Variants in MSL2 observed in about 807,000 individuals in gnomAD.
MSL2 encodes the protein E3 ubiquitin-protein ligase MSL2.
In MSL2, 2 loss-of-function variants were observed where a neutral mutation model predicts 35.8. That is an observed-to-expected ratio of 0.06 (90% CI 0.02 to 0.18). The LOEUF (loss-of-function observed/expected upper bound fraction) is 0.18, where lower values mean the gene tolerates loss of function less well. Among genes scored for constraint, MSL2 ranks in the 10% least tolerant of loss-of-function variants. The pLI, the probability that MSL2 is intolerant of heterozygous loss-of-function variation, is 1.00. For missense variants in MSL2, 523 were observed against 706.7 expected (o/e 0.74, Z 2.95); for synonymous variants, 296 against 255.7 (o/e 1.16, Z -1.50).
intron 1 of MSL2, among the ~76,000 whole-genome samples, chr3:136,193,555 C>G (rs1940750958): frequency 6.6e-6 from 1 of 151,482 alleles, no homozygotes; most frequent in Admixed American, 6.6e-5. Context: ...TTCCTCAGTC[C>G]TCAAACCATC....
In MSL2 at chr3:136,195,376, G is replaced by A. The variant is rs777836773; in HGVS notation, c.-263C>T. 8 of 1,217,444 alleles carry A rather than the reference G, an allele frequency of 6.6e-6. No homozygotes were observed. Among genetic ancestry groups the A allele is most frequent in the Admixed American group, 4.5e-5 (1 of 22,412 alleles). 75.4% of individuals were successfully genotyped at this position (1,217,444 alleles called of 1,614,324 possible). ...ACCAGCGTTCGAGTTCGTCCGGAGC[G>A]ACCACAGAGCGCAGAACGCGGCGGC... is the stretch of plus-strand genomic sequence containing the variant. On this transcript the variant is annotated 5_prime_UTR_variant, in exon 1 of 2. Transcript: ENST00000309993.
At position 136,150,288 on chromosome 3, in the gene MSL2, A is replaced by G. The variant is rs907998241; in HGVS notation, c.*859T>C. ...GCCAGTGGCAATAAGTACAATACAC[A>G]AATCTGGGCAAGTCTGGGAGCATTA... On this transcript the variant is annotated 3_prime_UTR_variant, in exon 2 of 2. Transcript: ENST00000309993. 1 of 152,294 alleles carries G rather than the reference A, an allele frequency of 6.6e-6. No homozygotes were observed. The highest frequency in any genetic ancestry group is 1.5e-5 in the Non-Finnish European group (1 of 68,036). 9.4% of individuals were successfully genotyped at this position (152,294 alleles called of 1,614,324 possible). A position where few individuals can be genotyped will look rare whatever the true frequency, so the allele number is the denominator to read the frequency against.
At chr3:136,154,170 T>A (rs1015886417) in intron 1 of MSL2, among the ~76,000 whole-genome samples, 1 of 151,258 alleles carries the variant, frequency 6.6e-6, no homozygotes, top group African/African-American at 2.4e-5. Flanking sequence ...ACTACTCAAC[T>A]CAAATTCTTC....
In MSL2 at chr3:136,195,322, G is replaced by A; in HGVS notation, c.-209C>T. 2.9e-6 allele frequency: 4 copies of A among 1,359,414 alleles called. No individual in the cohort carries two copies. Among genetic ancestry groups the A allele is most frequent in the Non-Finnish European group, 3.8e-6 (4 of 1,060,354 alleles). The allele number at this position is 1,359,414 out of a possible 1,614,324, so 84.2% of individuals were successfully genotyped here. The stretch of plus-strand genomic sequence containing the variant: ...GGCCTTGGCGCCCCTCCGTCCCTGA[G>A]ACTTCCAGACCAAAAATATGAGAGA... On this transcript the variant is annotated 5_prime_UTR_variant, in exon 1 of 2. Coordinates refer to ENST00000309993, the MANE Select transcript of MSL2 (RefSeq NM_018133.4).
intron 1 of MSL2, chr3:136,155,645 G>T: frequency 2.5e-6 from 1 of 407,948 alleles, no homozygotes. Context: ...TGCCGCCCAT[G>T]GGGATACAGG....
At chr3:136,187,531 T>C (rs1437108037) in intron 1 of MSL2, among the ~76,000 whole-genome samples, 2 of 151,632 alleles carry the variant, frequency 1.3e-5, no homozygotes, top group East Asian at 3.9e-4. Flanking sequence ...ATTAGCTGGG[T>C]GTGGCGGATG....
intron 1 of MSL2, among the ~76,000 whole-genome samples, chr3:136,182,667 C>G (rs1173600905): frequency 6.6e-6 from 1 of 150,894 alleles, no homozygotes; most frequent in Non-Finnish European, 1.5e-5. Flanking sequence ...GAAAGAGGTC[C>G]AGCGCACCAC....
At chr3:136,159,354 CTTT>C (rs71157361) in intron 1 of MSL2, among the ~76,000 whole-genome samples, 68 of 70,044 alleles carry the variant, frequency 9.7e-4, no homozygotes, top group African/African-American at 3.3e-3. Flanking sequence ...AGAGTACTTT[CTTT>C]TTTTTTTTTT....
intron 1 of MSL2, among the ~76,000 whole-genome samples, chr3:136,172,733 A>G (rs1444275418): frequency 1.3e-5 from 2 of 152,110 alleles, no homozygotes; most frequent in African/African-American, 2.4e-5. Flanking sequence ...CCCCTTTGAG[A>G]ATCTGACTAT....
chr3:136,155,257 C>T (rs1226793893), intron 1 of MSL2, among the ~76,000 whole-genome samples: 2 of 151,838 alleles, frequency 1.3e-5, no homozygotes, highest in Admixed American at 6.6e-5. Context: ...GTAATCCCAG[C>T]ACCTTGGGAG....
chr3:136,184,763 G>GGAA (rs1940468493), intron 1 of MSL2, among the ~76,000 whole-genome samples: 1 of 81,214 alleles, frequency 1.2e-5, no homozygotes, highest in Non-Finnish European at 2.4e-5. Context: ...GGGGGGGGGG[G>GGAA]ACAAAGGTCA....
rs76770196 is a variant in MSL2, at chr3:136,159,543, T to G, written c.143-6805A>C. Among the ~76,000 whole-genome samples the G allele has an allele frequency of 6.2e-3, 902 of 145,442 alleles. 12 individuals carry two copies. The highest frequency in any genetic ancestry group is 0.022 in the African/African-American group (858 of 39,502). On this transcript the variant is annotated intron_variant, in intron 1 of 1. Transcript: ENST00000309993. ...CACGCCCAGCTATTTTTTTTTTTTT[T>G]GCATTTTTAGTAGAGACGAGGTTTC...
chr3:136,149,899 A>G lies in MSL2; in HGVS notation c.*1248T>C, dbSNP rs1444489879. ...GTCAAAGCTGCAGCTCTTCTTTTAAATCACAGGTTATTTCATTACACCTAG... is the reference window on the plus strand; with the variant it reads ...GTCAAAGCTGCAGCTCTTCTTTTAAGTCACAGGTTATTTCATTACACCTAG... On this transcript the variant is annotated 3_prime_UTR_variant, in exon 2 of 2. Transcript: ENST00000309993. 6.6e-6 allele frequency: 1 copy of G among 152,546 alleles called. No homozygotes were observed. The highest frequency in any genetic ancestry group is 1.9e-4 in the East Asian group (1 of 5,194). 9.4% of individuals were successfully genotyped at this position (152,546 alleles called of 1,614,324 possible).
chr3:136,163,131 C>T (rs1360409250), intron 1 of MSL2, among the ~76,000 whole-genome samples: 2 of 152,040 alleles, frequency 1.3e-5, no homozygotes, highest in South Asian at 2.1e-4. Flanking sequence ...TGGTGGTGGG[C>T]GCCTGTAATC....
intron 1 of MSL2, among the ~76,000 whole-genome samples, chr3:136,155,094 G>A (rs972796488): frequency 6.6e-6 from 1 of 152,066 alleles, no homozygotes; most frequent in African/African-American, 2.4e-5. Context: ...TGTAGTCCCA[G>A]CTACTCGGGG....
chr3:136,190,260 T>C (rs797015029), intron 1 of MSL2, among the ~76,000 whole-genome samples: 99 of 152,260 alleles, frequency 6.5e-4, no homozygotes, highest in African/African-American at 2.3e-3. Flanking sequence ...ATCTAGAACA[T>C]CACAGGTGAC....
At chr3:136,188,190 T>G (rs1318006830) in intron 1 of MSL2, among the ~76,000 whole-genome samples, 1 of 152,100 alleles carries the variant, frequency 6.6e-6, no homozygotes, top group African/African-American at 2.4e-5. Flanking sequence ...ATCCCACCAC[T>G]TTGGGAGGCC....
chr3:136,195,295 G>A lies in MSL2; in HGVS notation c.-182C>T, dbSNP rs1940803893. The A allele has an allele frequency of 1.4e-5, 20 of 1,412,352 alleles. No homozygotes were observed. The highest frequency in any genetic ancestry group is 8.0e-5 in the South Asian group (5 of 62,422). The allele number at this position is 1,412,352 out of a possible 1,614,324, so 87.5% of individuals were successfully genotyped here. A position where few individuals can be genotyped will look rare whatever the true frequency, so the allele number is the denominator to read the frequency against. ...GAGCTGAAACAATCCTCCCACACAT[G>A]GGGCCTTGGCGCCCCTCCGTCCCTG... On this transcript the variant is annotated 5_prime_UTR_variant, in exon 1 of 2. Transcript: ENST00000309993.
At chr3:136,189,975 G>A (rs1286749161) in intron 1 of MSL2, among the ~76,000 whole-genome samples, 1 of 151,864 alleles carries the variant, frequency 6.6e-6, no homozygotes, top group Non-Finnish European at 1.5e-5. Flanking sequence ...CTGCTACTTG[G>A]GAGGCTGAGG....
Sources: gnomAD v4.1 joint callset for allele counts (sites outside exome capture counted in the v4.1 genomes callset) on GRCh38, gnomAD v4.1.1 for gene constraint, MANE v1.5 for transcripts, NCBI Gene and HGNC (gene_info 2026-07-23, HGNC 2026-07-21) for gene names.